LHFPL3: variants seen among roughly 807,000 people sequenced by gnomAD.
The protein encoded by LHFPL3 is LHFPL tetraspan subfamily member 3.
A neutral mutation model predicts 19.3 loss-of-function variants in LHFPL3; 5 were observed. The observed-to-expected ratio is 0.26, with a 90% CI of 0.14 to 0.54. The LOEUF is 0.54. LHFPL3 is among the 20% of genes least tolerant of loss of function. The pLI, the probability that LHFPL3 is intolerant of heterozygous loss-of-function variation, is 0.94. For synonymous variants in LHFPL3, 133 were observed against 126.2 expected (o/e 1.05, Z -0.36); for missense variants, 249 against 307.4 (o/e 0.81, Z 1.42).
At chr7:104,569,008 T>A (rs553309546) in intron 1 of LHFPL3, among the ~76,000 whole-genome samples, 1 of 152,234 alleles carries the variant, frequency 6.6e-6, no homozygotes, top group Non-Finnish European at 1.5e-5. Flanking sequence ...AAAGAATTAA[T>A]AAATGTGGTG....
intron 2 of LHFPL3, among the ~76,000 whole-genome samples, chr7:104,898,549 G>T (rs1377826643): frequency 1.3e-5 from 2 of 152,158 alleles, no homozygotes; most frequent in Non-Finnish European, 2.9e-5. Context: ...ACCTCCCAAA[G>T]TTAGGCTCCT....
intron 1 of LHFPL3, among the ~76,000 whole-genome samples, chr7:104,492,626 T>C (rs1381622228): frequency 1.3e-5 from 2 of 152,252 alleles, no homozygotes; most frequent in South Asian, 2.1e-4. Flanking sequence ...TCAAGACATA[T>C]GTTTGAAATT....
chr7:104,632,068 C>G (rs1423580827), intron 1 of LHFPL3, among the ~76,000 whole-genome samples: 1 of 152,150 alleles, frequency 6.6e-6, no homozygotes, highest in Non-Finnish European at 1.5e-5. Context: ...TTCTCCAGTT[C>G]TTTATGAGAT....
Position 104,363,708 on chromosome 7 carries a change from G to T in LHFPL3, c.445+34484G>T, listed in dbSNP as rs141353655. Among the ~76,000 whole-genome samples, 401 of 152,336 alleles carry T rather than the reference G, an allele frequency of 2.6e-3. 1 individual carries two copies. The highest frequency in any genetic ancestry group is 8.7e-3 in the South Asian group (42 of 4,816). ...ACAGATGCCTCATTTAACCTAGTCA[G>T]ATCCTTGCCATTGGGACTGCATATA... On this transcript the variant is annotated intron_variant, in intron 1 of 2. Coordinates refer to ENST00000424859, the MANE Select transcript of LHFPL3 (RefSeq NM_199000.3).
intron 1 of LHFPL3, among the ~76,000 whole-genome samples, chr7:104,557,806 C>G (rs1445415090): frequency 2.0e-5 from 3 of 150,476 alleles, no homozygotes; most frequent in Non-Finnish European, 4.4e-5. Context: ...TTAGGTATAT[C>G]TCCCAATGCT....
intron 1 of LHFPL3, among the ~76,000 whole-genome samples, chr7:104,469,734 T>C (rs948906483): frequency 2.6e-5 from 4 of 152,194 alleles, no homozygotes; most frequent in Non-Finnish European, 5.9e-5. Context: ...ATTTTGTTTC[T>C]GGTTTCTAGG....
intron 1 of LHFPL3, among the ~76,000 whole-genome samples, chr7:104,507,609 G>A: frequency 1.0e-5 from 1 of 99,578 alleles, no homozygotes; most frequent in Non-Finnish European, 2.1e-5. Context: ...TTGACAAATG[G>A]GATCTAATTA....
chr7:104,668,655 G>T lies in LHFPL3; in HGVS notation c.446-68020G>T, dbSNP rs145206949. 5.5e-4 allele frequency: 881 copies of T among 1,611,978 alleles called. 2 individuals are homozygous for T. In the African/African-American group the frequency reaches 0.01, roughly 19 times the overall value. ...TGAAGACCAATATGACAGACGGGAT[G>T]ATCGGTCGTGGAGCTCCAGAGATGA... On this transcript the variant is annotated intron_variant, in intron 1 of 2. Coordinates refer to ENST00000424859, the MANE Select transcript of LHFPL3 (RefSeq NM_199000.3).
intron 1 of LHFPL3, among the ~76,000 whole-genome samples, chr7:104,603,162 CCTTTCTTT>C (rs145743691): frequency 9.7e-4 from 125 of 128,612 alleles, no homozygotes; most frequent in Non-Finnish European, 1.4e-3. Flanking sequence ...TTCCTTCCTT[CCTTTCTTT>C]CTTTCTTTCT....
chr7:104,382,755 T>C (rs1435266622), intron 1 of LHFPL3, among the ~76,000 whole-genome samples: 2 of 152,244 alleles, frequency 1.3e-5, no homozygotes, highest in African/African-American at 2.4e-5. Flanking sequence ...AATGATCTTA[T>C]TATGCTAAGA....
chr7:104,518,380 A>C (rs1470695805), intron 1 of LHFPL3, among the ~76,000 whole-genome samples: 2 of 152,166 alleles, frequency 1.3e-5, no homozygotes, highest in Admixed American at 1.3e-4. Context: ...AAAATATATT[A>C]AGTTTGAATA....
chr7:104,591,041 C>A (rs1790709228), intron 1 of LHFPL3, among the ~76,000 whole-genome samples: 1 of 152,158 alleles, frequency 6.6e-6, no homozygotes, highest in Non-Finnish European at 1.5e-5. Context: ...GAATAGAGCA[C>A]ACTGATGGGT....
chr7:104,420,188 C>A (rs1450149979), intron 1 of LHFPL3, among the ~76,000 whole-genome samples: 3 of 152,180 alleles, frequency 2.0e-5, no homozygotes, highest in Non-Finnish European at 4.4e-5. Context: ...GGAGGTACAT[C>A]CAGGCCTTCT....
At chr7:104,380,900 C>T (rs576293816) in intron 1 of LHFPL3, among the ~76,000 whole-genome samples, 2 of 152,072 alleles carry the variant, frequency 1.3e-5, no homozygotes, top group Non-Finnish European at 2.9e-5. Context: ...AAAAGGAAAT[C>T]ACTGTGAACA....
intron 2 of LHFPL3, among the ~76,000 whole-genome samples, chr7:104,876,892 A>G (rs555398961): frequency 7.2e-5 from 11 of 152,334 alleles, no homozygotes; most frequent in African/African-American, 1.2e-4. Context: ...TCCAACAATG[A>G]TAGACTGGAT....
At chr7:104,505,043 G>A (rs1225450766) in intron 1 of LHFPL3, among the ~76,000 whole-genome samples, 2 of 152,250 alleles carry the variant, frequency 1.3e-5, no homozygotes, top group Non-Finnish European at 2.9e-5. Context: ...ATACTGCTAT[G>A]TATACACATA....
At chr7:104,843,698 C>G (rs546297595) in intron 2 of LHFPL3, among the ~76,000 whole-genome samples, 3 of 152,050 alleles carry the variant, frequency 2.0e-5, no homozygotes, top group Non-Finnish European at 2.9e-5. Context: ...CTTCTGAAAA[C>G]TATCTCGGGC....
intron 2 of LHFPL3, among the ~76,000 whole-genome samples, chr7:104,881,951 A>AT (rs913006669): frequency 2.0e-5 from 3 of 152,174 alleles, no homozygotes; most frequent in Non-Finnish European, 4.4e-5. Context: ...AAGTATGTAT[A>AT]TTTTTTAGAT....
rs148017538 is a variant in LHFPL3 at position 104,432,449 on chromosome 7, T to A, written c.445+103225T>A. On this transcript the variant is annotated intron_variant, in intron 1 of 2. Coordinates refer to ENST00000424859, the MANE Select transcript of LHFPL3 (RefSeq NM_199000.3). ...GCTTCTTTTTCTTCTCCTTTGAAGA[T>A]TCTTCCTCTTCGGGCCATTCCTGTT... Among the ~76,000 whole-genome samples the A allele has an allele frequency of 1.8e-3, 268 of 152,294 alleles. 1 individual carries two copies. The highest frequency in any genetic ancestry group is 6.1e-3 in the African/African-American group (253 of 41,552).
Sources: gnomAD v4.1 joint callset for allele counts (sites outside exome capture counted in the v4.1 genomes callset) on GRCh38, gnomAD v4.1.1 for gene constraint, MANE v1.5 for transcripts, NCBI Gene and HGNC (gene_info 2026-07-23, HGNC 2026-07-21) for gene names.